Variants in UBL3 observed in about 807,000 individuals in gnomAD.
UBL3 encodes ubiquitin-like protein 3.
UBL3 carries 6 observed loss-of-function variants against 18.4 expected under a neutral mutation model. The observed-to-expected ratio is 0.33, with a 90% CI of 0.18 to 0.64. The LOEUF is 0.64. UBL3 is among the 30% of genes least tolerant of loss of function. The probability of loss-of-function intolerance (pLI) is 0.76; values close to 1 mark genes in which losing one functional copy is unlikely to be tolerated. For synonymous variants in UBL3, 49 were observed against 46.6 expected, an observed-to-expected ratio of 1.05 and a Z score of -0.21; for missense variants, 109 against 142.9, an observed-to-expected ratio of 0.76 and a Z score of 1.21.
chr13:29,834,704 G>GT (rs1452852430), intron 1 of UBL3, among the ~76,000 whole-genome samples: 1 of 152,050 alleles, frequency 6.6e-6, no homozygotes, highest in Admixed American at 6.6e-5. Flanking sequence ...AAATATCAGA[G>GT]TATTAGTATA....
chr13:29,849,867 T>A lies in UBL3; in HGVS notation c.-329A>T. ...GACCGAGCCGAGTGACACACGGACA[T>A]GGAGAGGGGTGGGAGGGGGTTAAAT... On this transcript the variant is annotated 5_prime_UTR_variant, in exon 1 of 5. An upstream start codon of the reference 5' UTR is lost. Coordinates refer to ENST00000380680, the MANE Select transcript of UBL3 (RefSeq NM_007106.4). 1 of 494,058 alleles carries A rather than the reference T, an allele frequency of 2.0e-6. No homozygotes were observed. Among genetic ancestry groups the A allele is most frequent in the South Asian group, 2.1e-5 (1 of 46,698 alleles). The allele number at this position is 494,058 out of a possible 1,614,324, so 30.6% of individuals were successfully genotyped here.
At chr13:29,781,378 T>C (rs911443937) in intron 1 of UBL3, among the ~76,000 whole-genome samples, 5 of 152,170 alleles carry the variant, frequency 3.3e-5, no homozygotes, top group Non-Finnish European at 7.4e-5. Context: ...TTTTCTAATT[T>C]TCACATTAAG....
chr13:29,842,993 T>G lies in UBL3; in HGVS notation c.27+6519A>C, dbSNP rs186693169. On this transcript the variant is annotated intron_variant, in intron 1 of 4. Coordinates refer to ENST00000380680, the MANE Select transcript of UBL3 (RefSeq NM_007106.4). ...TTTGGAAATATGGTTTCCACACCCA[T>G]AGCAAATTAAAACCAGCAACTGTAA... Among the ~76,000 whole-genome samples, 188 of 152,282 alleles carry G rather than the reference T, an allele frequency of 1.2e-3. 1 individual carries two copies. The highest frequency in any genetic ancestry group is 2.5e-3 in the Non-Finnish European group (167 of 68,026).
chr13:29,836,826 C>T (rs1265549435), intron 1 of UBL3, among the ~76,000 whole-genome samples: 5 of 152,198 alleles, frequency 3.3e-5, no homozygotes, highest in Non-Finnish European at 7.3e-5. Context: ...GAATTGTAAA[C>T]AGCATGGACT....
At chr13:29,780,390 A>ATATGTGTG (rs755886113) in intron 1 of UBL3, among the ~76,000 whole-genome samples, 3 of 92,148 alleles carry the variant, frequency 3.3e-5, no homozygotes, top group African/African-American at 1.2e-4. Context: ...ATATATATAT[A>ATATGTGTG]TGTGTGTGTG....
chr13:29,782,425 C>T (rs987318869), intron 1 of UBL3, among the ~76,000 whole-genome samples: 1 of 152,284 alleles, frequency 6.6e-6, no homozygotes, highest in Middle Eastern at 3.4e-3. Flanking sequence ...AATCAATGGT[C>T]TAAAGAGTTC....
At position 29,842,134 on chromosome 13, in the gene UBL3, C is replaced by CTTTTTTTTTTTTT. The variant is rs201006689; in HGVS notation, c.27+7365_27+7377dup. Among the ~76,000 whole-genome samples the CTTTTTTTTTTTTT allele has an allele frequency of 3.1e-5, 4 of 128,026 alleles. 1 individual carries two copies. Among genetic ancestry groups the CTTTTTTTTTTTTT allele is most frequent in the African/African-American group, 1.0e-4 (3 of 29,602 alleles). The allele number at this position is 128,026 out of a possible 152,430, so 84.0% of individuals were successfully genotyped here. ...ACTGAAAACTCCTCCCATTCTCTTT[C>CTTTTTTTTTTTTT]TTTTTTTTTTTTTTTTTTTTTTTTA... On this transcript the variant is annotated intron_variant, in intron 1 of 4. Coordinates refer to ENST00000380680, the MANE Select transcript of UBL3 (RefSeq NM_007106.4).
intron 2 of UBL3, among the ~76,000 whole-genome samples, chr13:29,775,318 C>T (rs1045923922): frequency 6.6e-6 from 1 of 152,066 alleles, no homozygotes; most frequent in Non-Finnish European, 1.5e-5. Context: ...TTTTAAAATA[C>T]GCATTATAAT....
chr13:29,810,115 T>C (rs775679662), intron 1 of UBL3, among the ~76,000 whole-genome samples: 12 of 152,108 alleles, frequency 7.9e-5, no homozygotes, highest in Non-Finnish European at 1.8e-4. Context: ...ATATGAATAA[T>C]GGAGAAACTG....
At chr13:29,775,398 T>C (rs547099247) in intron 2 of UBL3, among the ~76,000 whole-genome samples, 2 of 152,344 alleles carry the variant, frequency 1.3e-5, no homozygotes, top group East Asian at 1.9e-4. Context: ...CCGTATATTA[T>C]TTAAGGTTGA....
In UBL3 at chr13:29,777,223, T is replaced by G. The variant is rs748733793; in HGVS notation, c.68A>C (p.Glu23Ala). The G allele has an allele frequency of 2.5e-6, 4 of 1,610,334 alleles. No individual in the cohort carries two copies. The South Asian group carries it at 4.4e-5, about 18-fold the overall frequency. The stretch of plus-strand genomic sequence containing the variant: ...AGAATCGTTAGGAGAAAACAGGAAC[T>G]CTTTTGTTTTTCCGCTTACCAAAAT... ...RLILVSGKTK[E>A]FLFSPNDSAS... Residue 23 changes from glutamate (E) to alanine (A), a missense_variant, in exon 2 of 5, where the codon GAG becomes GCG. Transcript: ENST00000380680.
intron 1 of UBL3, among the ~76,000 whole-genome samples, chr13:29,812,896 G>A (rs1460887063): frequency 6.6e-6 from 1 of 151,986 alleles, no homozygotes; most frequent in East Asian, 1.9e-4. Context: ...CAAGTGAAAT[G>A]TTATTAAAAT....
chr13:29,773,182 G>T (rs1204341351), intron 2 of UBL3, among the ~76,000 whole-genome samples: 2 of 152,138 alleles, frequency 1.3e-5, no homozygotes, highest in African/African-American at 2.4e-5. Flanking sequence ...AGTAACTAGA[G>T]ACTTTTCTTT....
At chr13:29,796,615 T>G (rs1324146112) in intron 1 of UBL3, among the ~76,000 whole-genome samples, 1 of 152,172 alleles carries the variant, frequency 6.6e-6, no homozygotes, top group African/African-American at 2.4e-5. Context: ...TATTTTAAAT[T>G]GGAAGTGACA....
At chr13:29,810,715 A>G (rs1187093919) in intron 1 of UBL3, among the ~76,000 whole-genome samples, 1 of 152,120 alleles carries the variant, frequency 6.6e-6, no homozygotes, top group East Asian at 1.9e-4. Flanking sequence ...TGTGAATTAG[A>G]TATTTTAAAT....
intron 1 of UBL3, among the ~76,000 whole-genome samples, chr13:29,839,755 G>A (rs376166298): frequency 3.3e-5 from 5 of 151,970 alleles, no homozygotes; most frequent in Non-Finnish European, 5.9e-5. Flanking sequence ...GTGAGACCCC[G>A]TCTCTACTAA....
chr13:29,816,489 T>A (rs1395132653), intron 1 of UBL3, among the ~76,000 whole-genome samples: 1 of 152,076 alleles, frequency 6.6e-6, no homozygotes, highest in African/African-American at 2.4e-5. Context: ...CCAGGTACAT[T>A]GGCTCATGCC....
At chr13:29,836,262 T>C (rs773402067) in intron 1 of UBL3, among the ~76,000 whole-genome samples, 2 of 151,998 alleles carry the variant, frequency 1.3e-5, no homozygotes, top group Admixed American at 6.6e-5. Context: ...GTAAGTAACA[T>C]AGTAATTAGT....
At chr13:29,789,344 A>G (rs1298145969) in intron 1 of UBL3, among the ~76,000 whole-genome samples, 1 of 152,226 alleles carries the variant, frequency 6.6e-6, no homozygotes. Context: ...GGTACACTTT[A>G]TGTTATATGT....
Sources: allele counts gnomAD v4.1 joint callset (sites outside exome capture counted in the v4.1 genomes callset), GRCh38; gene constraint gnomAD v4.1.1; transcripts MANE v1.5; gene names NCBI Gene and HGNC (gene_info 2026-07-23, HGNC 2026-07-21).